NOCT: variants seen among roughly 807,000 people sequenced by gnomAD.
NOCT encodes CCR4 carbon catabolite repression 4-like.
Under a neutral mutation model 35.0 loss-of-function variants are expected in NOCT, and 18 were observed. The observed-to-expected ratio is 0.51, with a 90% CI of 0.36 to 0.76. The LOEUF (loss-of-function observed/expected upper bound fraction) is 0.76, where lower values mean the gene tolerates loss of function less well. Ranked by LOEUF, NOCT falls within the 30% of genes least tolerant of loss-of-function variation. NOCT has a pLI of 0.01. For synonymous variants in NOCT, 235 were observed against 226.3 expected (o/e 1.04, Z -0.34); for missense variants, 479 against 541.0 (o/e 0.89, Z 1.14).
Position 139,044,989 on chromosome 4 carries a change from C to G in NOCT, c.811C>G (p.Leu271Val). The change falls in exon 3 of 3, where the codon CTG becomes GTG. Residue 271 changes from leucine to valine, a missense_variant. Physicochemically the swap from Leu to Val is conservative, Grantham distance 32 (BLOSUM62 1). Coordinates refer to ENST00000280614, the MANE Select transcript of NOCT (RefSeq NM_012118.4). ...KTNQVAIAQTLECKESGRQFC... is the reference protein window; with the variant it reads ...KTNQVAIAQTVECKESGRQFC... ...CAACCAGGTGGCCATTGCACAGACC[C>G]TGGAGTGCAAGGAGTCAGGCCGACA... 2 of 1,614,152 alleles carry G rather than the reference C, an allele frequency of 1.2e-6. No individual in the cohort carries two copies. Among genetic ancestry groups the G allele is most frequent in the Non-Finnish European group, 1.7e-6 (2 of 1,179,996 alleles).
rs915899918 is a variant in NOCT at position 139,045,673 on chromosome 4, C to T, written c.*199C>T. The T allele has an allele frequency of 2.0e-4, 92 of 463,846 alleles. No individual in the cohort carries two copies. Among genetic ancestry groups the T allele is most frequent in the African/African-American group, 1.5e-3 (75 of 50,174 alleles). 28.7% of individuals were successfully genotyped at this position (463,846 alleles called of 1,614,324 possible). On this transcript the variant is annotated 3_prime_UTR_variant, in exon 3 of 3. Coordinates refer to ENST00000280614, the MANE Select transcript of NOCT (RefSeq NM_012118.4). ...CTGGGACAACAGGCGCCCGTCACCA[C>T]GCCCAGCTAATTTTTTGTATTTTTA...
chr4:139,031,125 G>A (rs1726615496), intron 1 of NOCT, among the ~76,000 whole-genome samples: 1 of 151,902 alleles, frequency 6.6e-6, no homozygotes. Flanking sequence ...TGGAGCTGTG[G>A]AGAGTGGTCG....
chr4:139,038,936 G>T (rs997695345), intron 1 of NOCT, among the ~76,000 whole-genome samples: 3 of 151,592 alleles, frequency 2.0e-5, no homozygotes, highest in Non-Finnish European at 2.9e-5. Flanking sequence ...ATTTTTTTTT[G>T]AAGAAGGCTA....
intron 1 of NOCT, among the ~76,000 whole-genome samples, chr4:139,025,149 T>A (rs1726488629): frequency 2.0e-5 from 3 of 152,210 alleles, no homozygotes; most frequent in African/African-American, 7.2e-5. Context: ...TCTAAGGCTA[T>A]CACCCATTTT....
At chr4:139,016,702 G>A (rs1228378561) in intron 1 of NOCT, among the ~76,000 whole-genome samples, 1 of 116,534 alleles carries the variant, frequency 8.6e-6, no homozygotes, top group Non-Finnish European at 1.6e-5. Context: ...CACCCAGGCT[G>A]GAGTCCAGTG....
intron 1 of NOCT, chr4:139,028,000 A>C (rs559552537): frequency 3.9e-5 from 6 of 152,304 alleles, no homozygotes; most frequent in Non-Finnish European, 8.8e-5. Flanking sequence ...GACTCTGTAC[A>C]GTCAGCAGAA....
intron 1 of NOCT, among the ~76,000 whole-genome samples, chr4:139,030,959 A>G (rs1726612169): frequency 6.6e-6 from 1 of 152,138 alleles, no homozygotes; most frequent in African/African-American, 2.4e-5. Context: ...TACTCAAGAT[A>G]ATCCTGGCTT....
In NOCT at chr4:139,044,757, C is replaced by T; in HGVS notation, c.579C>T (p.Leu193=). 6.2e-7 allele frequency: 1 copy of T among 1,614,172 alleles called. No homozygotes were observed. Among genetic ancestry groups the T allele is most frequent in the Non-Finnish European group, 8.5e-7 (1 of 1,180,006 alleles). The change falls in exon 3 of 3, where the codon CTC becomes CTT. Residue 193 remains leucine, a synonymous_variant. Transcript: ENST00000280614. ...CCTACCAGCCTGATATATTGTGCCT[C>T]CAAGAGGTGGACCACTATTTTGACA... is the stretch of plus-strand genomic sequence containing the variant. The part of the protein sequence containing the change: ...ILAYQPDILC[L]QEVDHYFDTF...
At chr4:139,044,132 AT>A (rs11400088) in intron 2 of NOCT, among the ~76,000 whole-genome samples, 16 of 147,388 alleles carry the variant, frequency 1.1e-4, no homozygotes, top group South Asian at 2.1e-4. Context: ...CAAGGGCCTG[AT>A]TTTTTTTTTT....
intron 1 of NOCT, among the ~76,000 whole-genome samples, chr4:139,037,645 A>G (rs543943527): frequency 2.4e-4 from 37 of 152,264 alleles, no homozygotes; most frequent in African/African-American, 8.9e-4. Flanking sequence ...TAGATTTGAA[A>G]AGTTTCCCCC....
In NOCT at chr4:139,015,881, G is replaced by A; in HGVS notation, c.-101G>A. The A allele has an allele frequency of 4.2e-6, 4 of 959,018 alleles. No homozygotes were observed. Among genetic ancestry groups the A allele is most frequent in the East Asian group, 7.5e-5 (2 of 26,680 alleles). The allele number at this position is 959,018 out of a possible 1,614,324, so 59.4% of individuals were successfully genotyped here. A position where few individuals can be genotyped will look rare whatever the true frequency, so the allele number is the denominator to read the frequency against. The stretch of plus-strand genomic sequence containing the variant: ...CGCGAGAAGGAGCCTGGGAGCATCC[G>A]CCCACACTGCCCGGACAGTCGGCTC... On this transcript the variant is annotated 5_prime_UTR_variant, in exon 1 of 3. Coordinates refer to ENST00000280614, the MANE Select transcript of NOCT (RefSeq NM_012118.4).
rs192413106 is a variant in NOCT at position 139,015,813 on chromosome 4, C to T, written c.-169C>T. The T allele has an allele frequency of 1.1e-3, 488 of 459,028 alleles. 1 individual carries two copies. Among genetic ancestry groups the T allele is most frequent in the African/African-American group, 9.1e-3 (443 of 48,750 alleles). The allele number at this position is 459,028 out of a possible 1,614,324, so 28.4% of individuals were successfully genotyped here. A position where few individuals can be genotyped will look rare whatever the true frequency, so the allele number is the denominator to read the frequency against. Reference sequence around the variant, plus strand: ...GCCGACGCAGCGGTGTTGCACCTCCCTCTCCGGCTCTGCTGCCCGGGATTT... The same window carrying T: ...GCCGACGCAGCGGTGTTGCACCTCCTTCTCCGGCTCTGCTGCCCGGGATTT... On this transcript the variant is annotated 5_prime_UTR_variant, in exon 1 of 3. Transcript: ENST00000280614.
chr4:139,016,965 T>C (rs1726322684), intron 1 of NOCT, among the ~76,000 whole-genome samples: 1 of 70,818 alleles, frequency 1.4e-5, no homozygotes, highest in Non-Finnish European at 2.9e-5. Context: ...TTTACGTTTC[T>C]TTGGATTTTT....
chr4:139,021,645 A>G (rs748289828), intron 1 of NOCT, among the ~76,000 whole-genome samples: 82 of 152,218 alleles, frequency 5.4e-4, no homozygotes, highest in Middle Eastern at 3.4e-3. Context: ...TGAGGTTTCT[A>G]TGATGTTTAC....
chr4:139,023,195 C>T (rs1205255828), intron 1 of NOCT, among the ~76,000 whole-genome samples: 1 of 152,168 alleles, frequency 6.6e-6, no homozygotes, highest in African/African-American at 2.4e-5. Context: ...TGCATCCTTT[C>T]TAGCTGTCTT....
chr4:139,031,616 T>G (rs1264973659), intron 1 of NOCT, among the ~76,000 whole-genome samples: 1 of 152,174 alleles, frequency 6.6e-6, no homozygotes, highest in Non-Finnish European at 1.5e-5. Context: ...GAACTTGAAT[T>G]GTGATCTGCC....
chr4:139,032,212 C>T (rs1240675813), intron 1 of NOCT, among the ~76,000 whole-genome samples: 1 of 151,944 alleles, frequency 6.6e-6, no homozygotes, highest in African/African-American at 2.4e-5. Context: ...ATTAAGACAT[C>T]CAGTTTTAAA....
At chr4:139,017,349 TC>T (rs2148641311) in intron 1 of NOCT, among the ~76,000 whole-genome samples, 1 of 148,002 alleles carries the variant, frequency 6.8e-6, no homozygotes, top group South Asian at 2.2e-4. Context: ...TGCCTCAACC[TC>T]CCGAGAAGCT....
At chr4:139,037,109 G>C (rs1438265086) in intron 1 of NOCT, among the ~76,000 whole-genome samples, 1 of 152,216 alleles carries the variant, frequency 6.6e-6, no homozygotes, top group African/African-American at 2.4e-5. Context: ...TACTCTGGCA[G>C]TCAGTGTTGC....
Sources: allele counts gnomAD v4.1 joint callset (sites outside exome capture counted in the v4.1 genomes callset), GRCh38; gene constraint gnomAD v4.1.1; transcripts MANE v1.5; gene names NCBI Gene and HGNC (gene_info 2026-07-23, HGNC 2026-07-21).